Variants in SLC36A1 observed in about 807,000 individuals in gnomAD.
SLC36A1 encodes the protein proton-coupled amino acid transporter 1.
Under a neutral mutation model 47.5 loss-of-function variants are expected in SLC36A1, and 30 were observed. The ratio of observed to expected loss-of-function variants is 0.63; its 90% confidence interval spans 0.47 to 0.86. SLC36A1 has a LOEUF of 0.86. Ranked by LOEUF, SLC36A1 falls within the 40% of genes least tolerant of loss-of-function variation. The pLI is 0.00. For missense variants in SLC36A1, 517 were observed against 606.0 expected (o/e 0.85, Z 1.54); for synonymous variants, 255 against 249.7 (o/e 1.02, Z -0.20).
At chr5:151,500,266 CT>C in the SLC36A1 span, among the ~76,000 whole-genome samples, 1 of 152,180 alleles carries the variant, frequency 6.6e-6, no homozygotes, top group Non-Finnish European at 1.5e-5. Context: ...TGTGACTTAC[CT>C]TATTTAAGTT....
chr5:151,405,915 G>A, the SLC36A1 span, among the ~76,000 whole-genome samples: 1 of 152,138 alleles, frequency 6.6e-6, no homozygotes, highest in Non-Finnish European at 1.5e-5. Context: ...TTTATCTTTG[G>A]TAGTACAATT....
chr5:151,372,916 A>G, the SLC36A1 span, among the ~76,000 whole-genome samples: 1 of 152,202 alleles, frequency 6.6e-6, no homozygotes, highest in Non-Finnish European at 1.5e-5. Context: ...ACATATGAGT[A>G]ATTGGAATCC....
downstream of SLC36A1, among the ~76,000 whole-genome samples, chr5:151,494,095 G>A (rs1370912034): frequency 6.6e-6 from 1 of 152,070 alleles, no homozygotes; most frequent in African/African-American, 2.4e-5. Flanking sequence ...GAAAGCCAGG[G>A]CCCTCAGGTA....
chr5:151,402,083 C>T, the SLC36A1 span, among the ~76,000 whole-genome samples: 1 of 152,142 alleles, frequency 6.6e-6, no homozygotes, highest in Non-Finnish European at 1.5e-5. Flanking sequence ...AAGGAGAATG[C>T]TTTCGGCTTT....
the SLC36A1 span, among the ~76,000 whole-genome samples, chr5:151,389,389 C>G: frequency 6.6e-6 from 1 of 151,378 alleles, no homozygotes; most frequent in East Asian, 2.0e-4. Context: ...ATTAATCCTC[C>G]TTTTGAGTTT....
At chr5:151,513,618 A>G in the SLC36A1 span, among the ~76,000 whole-genome samples, 143 of 70,030 alleles carry the variant, frequency 2.0e-3, no homozygotes, top group Admixed American at 0.011. Flanking sequence ...GAGAAGGTTA[A>G]GGACAAAAAA....
chr5:151,426,218 A>G, the SLC36A1 span, among the ~76,000 whole-genome samples: 1 of 152,248 alleles, frequency 6.6e-6, no homozygotes. Context: ...GAGACTGAGA[A>G]AAGAAATAAG....
chr5:151,370,325 G>A, the SLC36A1 span, among the ~76,000 whole-genome samples: 2 of 152,170 alleles, frequency 1.3e-5, no homozygotes, highest in African/African-American at 2.4e-5. Flanking sequence ...AGGTACTCAT[G>A]CAATGCTGCA....
the SLC36A1 span, among the ~76,000 whole-genome samples, chr5:151,409,066 A>G: frequency 2.0e-5 from 3 of 146,864 alleles, no homozygotes; most frequent in Non-Finnish European, 4.5e-5. Flanking sequence ...TGGTGTGATC[A>G]TGGCTCATTG....
At chr5:151,551,709 T>G in the SLC36A1 span, 93 of 1,226,190 alleles carry the variant, frequency 7.6e-5, no homozygotes, top group Non-Finnish European at 1.0e-4. Context: ...GGTGGTAAAT[T>G]CCACAGTACA....
At chr5:151,517,667 G>T in the SLC36A1 span, 1 of 1,614,192 alleles carries the variant, frequency 6.2e-7, no homozygotes, top group Non-Finnish European at 8.5e-7. Flanking sequence ...AGAATGGCCT[G>T]TGGCTGGAGT....
At chr5:151,370,859 G>A in the SLC36A1 span, among the ~76,000 whole-genome samples, 1 of 152,098 alleles carries the variant, frequency 6.6e-6, no homozygotes, top group African/African-American at 2.4e-5. Flanking sequence ...CGGGCGTGAT[G>A]GCAGGCGCCT....
chr5:151,481,358 T>G lies in SLC36A1; in HGVS notation c.1159+1869T>G, dbSNP rs1247214738. Among the ~76,000 whole-genome samples the G allele has an allele frequency of 2.0e-5, 3 of 152,332 alleles. No homozygotes were observed. In the South Asian group the frequency reaches 6.2e-4, roughly 32 times the overall value. On this transcript the variant is annotated intron_variant, in intron 10 of 10. Coordinates refer to ENST00000243389, the MANE Select transcript of SLC36A1 (RefSeq NM_078483.4). ...CGCCTCTCTCACCTTCCTTGGAGAC[T>G]TTGAAGTAATTGTGGGACTCAGTAG...
chr5:151,496,891 A>G (rs1760359906), downstream of SLC36A1, among the ~76,000 whole-genome samples: 1 of 152,220 alleles, frequency 6.6e-6, no homozygotes, highest in Non-Finnish European at 1.5e-5. Flanking sequence ...AGCAATTATA[A>G]ATGGTATTTT....
chr5:151,361,531 A>G, the SLC36A1 span, among the ~76,000 whole-genome samples: 7 of 152,230 alleles, frequency 4.6e-5, no homozygotes, highest in Admixed American at 2.6e-4. Context: ...AATTGTTAAC[A>G]TAAGTGCTTG....
chr5:151,465,722 C>A (rs1466116868), intron 5 of SLC36A1, among the ~76,000 whole-genome samples: 1 of 152,090 alleles, frequency 6.6e-6, no homozygotes, highest in African/African-American at 2.4e-5. Context: ...TAAAGATTCT[C>A]TTGTCGGCTG....
the SLC36A1 span, among the ~76,000 whole-genome samples, chr5:151,418,500 G>A: frequency 3.3e-5 from 5 of 152,192 alleles, no homozygotes; most frequent in Non-Finnish European, 7.3e-5. Context: ...GGAGTCAAAG[G>A]CGATCATTTC....
the SLC36A1 span, among the ~76,000 whole-genome samples, chr5:151,525,084 A>C: frequency 6.6e-6 from 1 of 152,226 alleles, no homozygotes; most frequent in African/African-American, 2.4e-5. Flanking sequence ...CCTCGCATGT[A>C]GTAGATGCTC....
At chr5:151,443,420 A>G (rs896805869), upstream of SLC36A1, among the ~76,000 whole-genome samples, 1 of 152,150 alleles carries the variant, frequency 6.6e-6, no homozygotes, top group African/African-American at 2.4e-5. Flanking sequence ...CTGATGATTA[A>G]TGATGTTGAA....
Sources: gnomAD v4.1 joint callset for allele counts (sites outside exome capture counted in the v4.1 genomes callset) on GRCh38, gnomAD v4.1.1 for gene constraint, MANE v1.5 for transcripts, NCBI Gene and HGNC (gene_info 2026-07-23, HGNC 2026-07-21) for gene names.